Variants in KIAA1143 observed in about 807,000 individuals in gnomAD.
KIAA1143 encodes uncharacterized protein KIAA1143.
In KIAA1143, 8 loss-of-function variants were observed where a neutral mutation model predicts 17.0. That is an observed-to-expected ratio of 0.47 (90% CI 0.28 to 0.85). The LOEUF (loss-of-function observed/expected upper bound fraction) is 0.85. Ranked by LOEUF, KIAA1143 falls within the 40% of genes least tolerant of loss-of-function variation. KIAA1143 has a pLI of 0.12. For synonymous variants in KIAA1143, 64 were observed against 67.8 expected, an observed-to-expected ratio of 0.94 and a Z score of 0.27; for missense variants, 162 against 183.3, an observed-to-expected ratio of 0.88 and a Z score of 0.67.
intron 1 of KIAA1143, among the ~76,000 whole-genome samples, chr3:44,756,116 TTTTG>T (rs1289787068): frequency 2.6e-5 from 4 of 152,370 alleles, no homozygotes; most frequent in South Asian, 2.1e-4. Context: ...AAATCATTCC[TTTTG>T]TTTGTTAAAT....
intron 1 of KIAA1143, among the ~76,000 whole-genome samples, chr3:44,760,627 G>C (rs1291419701): frequency 1.3e-5 from 2 of 149,286 alleles, no homozygotes; most frequent in African/African-American, 2.5e-5. Flanking sequence ...CTGACCTCGT[G>C]ATCTGCCGCC....
chr3:44,758,441 T>C (rs1330225646), intron 1 of KIAA1143, among the ~76,000 whole-genome samples: 1 of 152,178 alleles, frequency 6.6e-6, no homozygotes, highest in Non-Finnish European at 1.5e-5. Context: ...TTATTCTAAA[T>C]CCTTTATTGA....
chr3:44,755,689 C>A lies in KIAA1143; in HGVS notation c.109-1321G>T, dbSNP rs138601602. Among the ~76,000 whole-genome samples, 5 of 152,362 alleles carry A rather than the reference C, an allele frequency of 3.3e-5. No individual in the cohort carries two copies. The East Asian group carries it at 5.8e-4, about 18-fold the overall frequency. On this transcript the variant is annotated intron_variant, in intron 1 of 2. Coordinates refer to ENST00000296121, the MANE Select transcript of KIAA1143 (RefSeq NM_020696.4). ...GATTTAGAGCCTCTAGAAGTGCTTA[C>A]CTAAATCTCACCTTCTCTTGTTTCT...
In KIAA1143 at chr3:44,752,877, T is replaced by A. The variant is rs1196450243; in HGVS notation, c.*464A>T. On this transcript the variant is annotated 3_prime_UTR_variant, in exon 3 of 3. Coordinates refer to ENST00000296121, the MANE Select transcript of KIAA1143 (RefSeq NM_020696.4). ...GAGGTATTTTTAACAAGGCACATTA[T>A]CATCTCCCCCACCCAAAGTGGAGCT... The A allele has an allele frequency of 6.5e-6, 1 of 153,576 alleles. No homozygotes were observed. Among genetic ancestry groups the A allele is most frequent in the Non-Finnish European group, 1.4e-5 (1 of 69,224 alleles). 9.5% of individuals were successfully genotyped at this position (153,576 alleles called of 1,614,324 possible).
intron 1 of KIAA1143, among the ~76,000 whole-genome samples, chr3:44,759,152 T>C (rs1305340097): frequency 6.6e-5 from 10 of 152,236 alleles, no homozygotes; most frequent in South Asian, 4.1e-4. Context: ...GTGTGAGCCA[T>C]TGCGCCTGGC....
At position 44,752,017 on chromosome 3, in the gene KIAA1143, A is replaced by G. The variant is rs1704898214; in HGVS notation, c.*1324T>C. 1 of 151,752 alleles carries G rather than the reference A, an allele frequency of 6.6e-6. No individual in the cohort carries two copies. Among genetic ancestry groups the G allele is most frequent in the Admixed American group, 6.6e-5 (1 of 15,214 alleles). 9.4% of individuals were successfully genotyped at this position (151,752 alleles called of 1,614,324 possible). A position where few individuals can be genotyped will look rare whatever the true frequency, so the allele number is the denominator to read the frequency against. On this transcript the variant is annotated 3_prime_UTR_variant, in exon 3 of 3. Coordinates refer to ENST00000296121, the MANE Select transcript of KIAA1143 (RefSeq NM_020696.4). ...TGAGGCAGGAGAATAGGGTCTGGAG[A>G]CAGGGAACCTAAGGCTGATTCACAT...
chr3:44,754,198 A>G, intron 2 of KIAA1143, 26 bp downstream of exon 2: 1 of 1,609,356 alleles, frequency 6.2e-7, no homozygotes, highest in Non-Finnish European at 8.5e-7. Context: ...AAATTGTTAG[A>G]AAAACCAGAT....
rs1158622820 is a variant in KIAA1143 at position 44,750,874 on chromosome 3, T to C, written c.*2467A>G. 2 of 104,616 alleles carry C rather than the reference T, an allele frequency of 1.9e-5. No individual in the cohort carries two copies. Among genetic ancestry groups the C allele is most frequent in the African/African-American group, 7.7e-5 (2 of 25,868 alleles). The allele number at this position is 104,616 out of a possible 1,614,324, so 6.5% of individuals were successfully genotyped here. ...AATAATCTTTTTATTTTGAGCTATT[T>C]ATAGCCTTGAAATACACTTTAAGTG... is the stretch of plus-strand genomic sequence containing the variant. On this transcript the variant is annotated 3_prime_UTR_variant, in exon 3 of 3. Transcript: ENST00000296121.
chr3:44,755,441 C>T (rs150134558), intron 1 of KIAA1143, among the ~76,000 whole-genome samples: 126 of 152,320 alleles, frequency 8.3e-4, no homozygotes, highest in African/African-American at 3.0e-3. Flanking sequence ...TTCCTGGTCT[C>T]CCAAACAAGG....
At position 44,748,929 on chromosome 3, in the gene KIAA1143, A is replaced by G. The variant is rs1287394948; in HGVS notation, c.*4412T>C. 6.6e-6 allele frequency: 1 copy of G among 152,178 alleles called. No individual in the cohort carries two copies. Among genetic ancestry groups the G allele is most frequent in the Non-Finnish European group, 1.5e-5 (1 of 68,024 alleles). The allele number at this position is 152,178 out of a possible 1,614,324, so 9.4% of individuals were successfully genotyped here. A position where few individuals can be genotyped will look rare whatever the true frequency, so the allele number is the denominator to read the frequency against. Reference sequence around the variant, plus strand: ...ACAATAACACATATAGCAATGATACAAATTAGGGGAAAAAACCCTGGCTTC... The same window carrying G: ...ACAATAACACATATAGCAATGATACGAATTAGGGGAAAAAACCCTGGCTTC... On this transcript the variant is annotated 3_prime_UTR_variant, in exon 3 of 3. Transcript: ENST00000296121.
At chr3:44,759,894 CAA>C (rs527806223) in intron 1 of KIAA1143, among the ~76,000 whole-genome samples, 34 of 51,094 alleles carry the variant, frequency 6.7e-4, no homozygotes, top group South Asian at 1.2e-3. Context: ...GACCCTATCT[CAA>C]AAAAAAAAAA....
chr3:44,761,613 G>C lies in KIAA1143; in HGVS notation c.-11C>G, dbSNP rs758379451. ...GTTCCGCTTGCTCATGGTAGCTCTG[G>C]GTAAAGACAGAAGACAGGTTCCGCG... On this transcript the variant is annotated 5_prime_UTR_variant, in exon 1 of 3. Transcript: ENST00000296121. 1.3e-6 allele frequency: 2 copies of C among 1,551,718 alleles called. No individual in the cohort carries two copies. The highest frequency in any genetic ancestry group is 1.7e-6 in the Non-Finnish European group (2 of 1,156,532).
At chr3:44,757,407 C>T (rs933177157) in intron 1 of KIAA1143, among the ~76,000 whole-genome samples, 3 of 152,188 alleles carry the variant, frequency 2.0e-5, no homozygotes, top group Non-Finnish European at 4.4e-5. Flanking sequence ...ATCTCTACAC[C>T]TTTACCCATG....
intron 1 of KIAA1143, among the ~76,000 whole-genome samples, chr3:44,756,459 T>A (rs1575559064): frequency 4.6e-5 from 7 of 152,170 alleles, no homozygotes; most frequent in Admixed American, 6.5e-5. Flanking sequence ...CCTACTTGGG[T>A]GGCTGAGGCA....
At position 44,750,078 on chromosome 3, in the gene KIAA1143, T is replaced by C. The variant is rs1185290238; in HGVS notation, c.*3263A>G. 1.3e-5 allele frequency: 2 copies of C among 152,196 alleles called. No homozygotes were observed. Among genetic ancestry groups the C allele is most frequent in the Non-Finnish European group, 1.5e-5 (1 of 68,040 alleles). 9.4% of individuals were successfully genotyped at this position (152,196 alleles called of 1,614,324 possible). ...TGTTGGGATTACAAGCATGAGCCAT[T>C]GTGTCTGGCCTGGGTGATTCTTTAT... is the stretch of plus-strand genomic sequence containing the variant. On this transcript the variant is annotated 3_prime_UTR_variant, in exon 3 of 3. Transcript: ENST00000296121.
chr3:44,758,259 T>C (rs1705005621), intron 1 of KIAA1143, among the ~76,000 whole-genome samples: 2 of 152,174 alleles, frequency 1.3e-5, no homozygotes, highest in African/African-American at 4.8e-5. Flanking sequence ...GGGGTGGCTG[T>C]GGCAATTTTT....
At position 44,748,888 on chromosome 3, in the gene KIAA1143, AAC is replaced by A. The variant is rs1471597330; in HGVS notation, c.*4451_*4452del. Reference sequence around the variant, plus strand: ...ACATATTAAAATTTACAGCAATTAAAACAGTGTAGTTTGGTACAATAACACAT... The same window carrying A: ...ACATATTAAAATTTACAGCAATTAAAAGTGTAGTTTGGTACAATAACACAT... On this transcript the variant is annotated 3_prime_UTR_variant, in exon 3 of 3. Coordinates refer to ENST00000296121, the MANE Select transcript of KIAA1143 (RefSeq NM_020696.4). The A allele has an allele frequency of 1.3e-5, 2 of 152,240 alleles. No individual in the cohort carries two copies. Among genetic ancestry groups the A allele is most frequent in the Non-Finnish European group, 2.9e-5 (2 of 68,040 alleles). The allele number at this position is 152,240 out of a possible 1,614,324, so 9.4% of individuals were successfully genotyped here.
intron 1 of KIAA1143, among the ~76,000 whole-genome samples, chr3:44,754,758 C>A (rs1704943548): frequency 6.6e-6 from 1 of 152,176 alleles, no homozygotes; most frequent in Non-Finnish European, 1.5e-5. Context: ...TAAACACCAT[C>A]AAAGTACAGA....
In KIAA1143 at chr3:44,761,561, C is replaced by T; in HGVS notation, c.42G>A (p.Glu14=). Residue 14 remains glutamate (E), a synonymous_variant, in exon 1 of 3, where the codon GAG becomes GAA. Transcript: ENST00000296121. Reference sequence around the variant, plus strand: ...CCTTGAAGCGGGCCAGAAACGCCGGCTCGGCTGGCCGCACGTACGATACCT... The same window carrying T: ...CCTTGAAGCGGGCCAGAAACGCCGGTTCGGCTGGCCGCACGTACGATACCT... ...RNQVSYVRPA[E]PAFLARFKER... is the part of the protein sequence containing the mutation. 1 of 1,614,154 alleles carries T rather than the reference C, an allele frequency of 6.2e-7. No homozygotes were observed. Among genetic ancestry groups the T allele is most frequent in the East Asian group, 2.2e-5 (1 of 44,868 alleles).
Sources: allele counts gnomAD v4.1 joint callset (sites outside exome capture counted in the v4.1 genomes callset), GRCh38; gene constraint gnomAD v4.1.1; transcripts MANE v1.5; gene names NCBI Gene and HGNC (gene_info 2026-07-23, HGNC 2026-07-21).